The following CHMP2B variants were observed in gnomAD, a reference collection of about 807,000 sequenced individuals.
CHMP2B encodes the protein charged multivesicular body protein 2B, also known as VPS2 homolog B.
A neutral mutation model predicts 29.8 loss-of-function variants in CHMP2B; 22 were observed. The observed-to-expected ratio is 0.74, with a 90% confidence interval of 0.53 to 1.05. The LOEUF is 1.05. Ranked by LOEUF, CHMP2B falls within the 50% of genes least tolerant of loss-of-function variation. CHMP2B has a pLI of 0.00. For synonymous variants in CHMP2B, 78 were observed against 75.8 expected, an observed-to-expected ratio of 1.03 and a Z score of -0.15; for missense variants, 261 against 252.2, an observed-to-expected ratio of 1.03 and a Z score of -0.24.
intron 1 of CHMP2B, among the ~76,000 whole-genome samples, chr3:87,232,391 G>T (rs1377133774): frequency 3.9e-5 from 6 of 152,076 alleles, no homozygotes; most frequent in Admixed American, 3.9e-4. Context: ...TCTCATGGTG[G>T]TACCTGCAGA....
At chr3:87,235,592 A>G (rs1418965344) in intron 1 of CHMP2B, among the ~76,000 whole-genome samples, 2 of 152,198 alleles carry the variant, frequency 1.3e-5, no homozygotes, top group South Asian at 2.1e-4. Context: ...TATGATACAT[A>G]TAGTTACATT....
intron 4 of CHMP2B, among the ~76,000 whole-genome samples, chr3:87,252,062 A>G (rs1334845054): frequency 5.9e-5 from 9 of 151,936 alleles, no homozygotes; most frequent in Non-Finnish European, 1.3e-4. Flanking sequence ...ATAAAAGACA[A>G]GAAGGAAGTA....
intron 2 of CHMP2B, 146 bp from the exon 3 acceptor site, chr3:87,245,568 G>T (rs1203253315): frequency 2.8e-5 from 19 of 677,394 alleles, no homozygotes; most frequent in Non-Finnish European, 4.7e-5. Flanking sequence ...TTTCTCTTTT[G>T]CTCTATGACT....
intron 4 of CHMP2B, among the ~76,000 whole-genome samples, chr3:87,250,769 T>C (rs1160678831): frequency 6.6e-6 from 1 of 151,916 alleles, no homozygotes; most frequent in African/African-American, 2.4e-5. Flanking sequence ...GAAAAATATG[T>C]GTAAGTATTA....
In CHMP2B at chr3:87,255,406, T is replaced by C. The variant is rs186567031; in HGVS notation, c.*1584T>C. 3 of 152,616 alleles carry C rather than the reference T, an allele frequency of 2.0e-5. No homozygotes were observed. Among genetic ancestry groups the C allele is most frequent in the Admixed American group, 1.3e-4 (2 of 15,258 alleles). The allele number at this position is 152,616 out of a possible 1,614,324, so 9.5% of individuals were successfully genotyped here. On this transcript the variant is annotated 3_prime_UTR_variant, in exon 6 of 6. Transcript: ENST00000263780. ...GTACATAATAATGCCATCTAACTTATTTACGTTCTTGTTTACATGTGGGAG... is the reference window on the plus strand; with the variant it reads ...GTACATAATAATGCCATCTAACTTACTTACGTTCTTGTTTACATGTGGGAG...
intron 1 of CHMP2B, chr3:87,240,366 A>G (rs1706093753): frequency 5.1e-6 from 1 of 195,574 alleles, no homozygotes. Context: ...GCTGGAGTGC[A>G]ATGGCATGAT....
intron 2 of CHMP2B, among the ~76,000 whole-genome samples, chr3:87,242,318 C>A (rs1331456995): frequency 6.6e-6 from 1 of 151,746 alleles, no homozygotes; most frequent in Non-Finnish European, 1.5e-5. Context: ...ATTTTTTATT[C>A]TTTTATTCTT....
At chr3:87,253,555 C>T in intron 5 of CHMP2B, 45 bp downstream of exon 5, 2 of 1,402,438 alleles carry the variant, frequency 1.4e-6, no homozygotes, top group African/African-American at 1.4e-5. Flanking sequence ...TTCTGCCTAC[C>T]ACGTTTGTCA....
intron 1 of CHMP2B, among the ~76,000 whole-genome samples, chr3:87,239,328 A>G (rs1706073048): frequency 6.6e-6 from 1 of 152,066 alleles, no homozygotes; most frequent in Non-Finnish European, 1.5e-5. Context: ...TGTCATATTT[A>G]AGAATGTAAT....
At chr3:87,230,440 T>C (rs1172296530) in intron 1 of CHMP2B, among the ~76,000 whole-genome samples, 1 of 152,176 alleles carries the variant, frequency 6.6e-6, no homozygotes, top group Non-Finnish European at 1.5e-5. Context: ...CTTTGAGTAT[T>C]ATTATTACTT....
chr3:87,243,394 T>TGTTC (rs1706157792), intron 2 of CHMP2B, among the ~76,000 whole-genome samples: 1 of 152,060 alleles, frequency 6.6e-6, no homozygotes, highest in Non-Finnish European at 1.5e-5. Flanking sequence ...GGGTTTTTTT[T>TGTTC]GTTTGTTTGT....
intron 1 of CHMP2B, among the ~76,000 whole-genome samples, chr3:87,229,482 TA>T (rs1705869302): frequency 6.6e-6 from 1 of 152,196 alleles, no homozygotes; most frequent in African/African-American, 2.4e-5. Context: ...TCCAGTCATT[TA>T]CTGACATCTT....
intron 1 of CHMP2B, among the ~76,000 whole-genome samples, chr3:87,234,096 C>T (rs1178573005): frequency 2.0e-5 from 3 of 152,204 alleles, no homozygotes; most frequent in South Asian, 4.1e-4. Context: ...TAGTATTACT[C>T]ACAAATTAAT....
chr3:87,238,762 C>T (rs1706063033), intron 1 of CHMP2B, among the ~76,000 whole-genome samples: 1 of 152,072 alleles, frequency 6.6e-6, no homozygotes, highest in Non-Finnish European at 1.5e-5. Flanking sequence ...TGTGAACATT[C>T]ATGTAGAAGT....
intron 4 of CHMP2B, among the ~76,000 whole-genome samples, chr3:87,250,765 T>C (rs1380071792): frequency 6.6e-6 from 1 of 151,850 alleles, no homozygotes; most frequent in Non-Finnish European, 1.5e-5. Flanking sequence ...CTTTGAAAAA[T>C]ATGTGTAAGT....
chr3:87,228,069 CT>C (rs1302140073), intron 1 of CHMP2B, among the ~76,000 whole-genome samples: 1 of 152,012 alleles, frequency 6.6e-6, no homozygotes, highest in African/African-American at 2.4e-5. Context: ...GAAACAAATG[CT>C]TTTTTGATTA....
In CHMP2B at chr3:87,240,605, A is replaced by AT. The variant is rs1476618822; in HGVS notation, c.35-87dup. ...AGCCACTGCGCCCAGCCAATATAAG[A>AT]TTTTTTTAAATCATGATCTGTGAAT... On this transcript the variant is annotated intron_variant, in intron 1 of 5. Transcript: ENST00000263780. 8.6e-6 allele frequency: 8 copies of AT among 934,872 alleles called. No individual in the cohort carries two copies. The East Asian group carries it at 1.2e-4, about 14-fold the overall frequency. 57.9% of individuals were successfully genotyped at this position (934,872 alleles called of 1,614,324 possible). A position where few individuals can be genotyped will look rare whatever the true frequency, so the allele number is the denominator to read the frequency against.
chr3:87,229,049 A>G (rs1705861884), intron 1 of CHMP2B, among the ~76,000 whole-genome samples: 1 of 152,062 alleles, frequency 6.6e-6, no homozygotes, highest in South Asian at 2.1e-4. Context: ...AAATGGTTTC[A>G]TCTCCTTTAC....
At chr3:87,232,948 C>A (rs1470960217) in intron 1 of CHMP2B, among the ~76,000 whole-genome samples, 1 of 152,158 alleles carries the variant, frequency 6.6e-6, no homozygotes, top group South Asian at 2.1e-4. Flanking sequence ...ATGAATTCCT[C>A]AGGGCTTGAG....
Sources: gnomAD v4.1 joint callset for allele counts (sites outside exome capture counted in the v4.1 genomes callset) on GRCh38, gnomAD v4.1.1 for gene constraint, MANE v1.5 for transcripts, NCBI Gene and HGNC (gene_info 2026-07-23, HGNC 2026-07-21) for gene names.